The following GRIP1 variants were observed in gnomAD, a reference collection of about 807,000 sequenced individuals.
GRIP1 encodes glutamate receptor interacting protein 1, also known as glutamate receptor-interacting protein 1.
Under a neutral mutation model 129.9 loss-of-function variants are expected in GRIP1, and 45 were observed. That is an observed-to-expected ratio of 0.35 (90% CI 0.27 to 0.44). The LOEUF (loss-of-function observed/expected upper bound fraction) is 0.44, where lower values mean the gene tolerates loss of function less well. GRIP1 is among the 20% of genes least tolerant of loss of function. The probability of loss-of-function intolerance (pLI) is 1.00; values close to 1 mark genes in which losing one functional copy is unlikely to be tolerated. For missense variants in GRIP1, 1,196 were observed against 1,396.8 expected (o/e 0.86, Z 2.29); for synonymous variants, 530 against 520.8 (o/e 1.02, Z -0.24).
At chr12:66,768,703 T>C (rs1428291071) in intron 1 of GRIP1, among the ~76,000 whole-genome samples, 3 of 152,210 alleles carry the variant, frequency 2.0e-5, no homozygotes, top group Admixed American at 1.3e-4. Flanking sequence ...TTATACACAA[T>C]AACATCTATC....
chr12:66,918,063 G>A (rs2041156117), intron 1 of GRIP1, among the ~76,000 whole-genome samples: 2 of 151,892 alleles, frequency 1.3e-5, no homozygotes, highest in Admixed American at 1.3e-4. Flanking sequence ...CACCACATTA[G>A]TTATGGAGAG....
At chr12:66,736,579 T>C (rs545999755) in intron 1 of GRIP1, among the ~76,000 whole-genome samples, 223 of 152,014 alleles carry the variant, frequency 1.5e-3, no homozygotes, top group Middle Eastern at 3.4e-3. Flanking sequence ...TGTCTTTATG[T>C]TCAGTAGGCT....
intron 1 of GRIP1, among the ~76,000 whole-genome samples, chr12:66,771,587 T>C (rs1159744269): frequency 6.6e-6 from 1 of 152,192 alleles, no homozygotes; most frequent in East Asian, 1.9e-4. Flanking sequence ...AATTTACTTT[T>C]GGTCAATCCC....
intron 1 of GRIP1, among the ~76,000 whole-genome samples, chr12:67,029,578 C>CAAAAAAAAAAAAAAAAAAA (rs10563216): frequency 1.1e-5 from 1 of 88,486 alleles, no homozygotes; most frequent in Non-Finnish European, 2.4e-5. Context: ...GACCCTGACT[C>CAAAAAAAAAAAAAAAAAAA]AAAAAAAAAA....
intron 1 of GRIP1, among the ~76,000 whole-genome samples, chr12:66,817,202 GCACACA>G (rs57507955): frequency 0.14 from 19,497 of 136,092 alleles, 1,295 homozygotes; most frequent in Middle Eastern, 0.21. Context: ...TTTTCAGTAT[GCACACA>G]CACACACACA....
At chr12:66,892,201 G>T (rs570085666) in intron 1 of GRIP1, among the ~76,000 whole-genome samples, 1 of 152,162 alleles carries the variant, frequency 6.6e-6, no homozygotes, top group Admixed American at 6.5e-5. Context: ...GGCTCTTAAA[G>T]TTGTCCCATT....
chr12:66,412,934 T>C lies in GRIP1; in HGVS notation c.1839-6506A>G, dbSNP rs138883391. On this transcript the variant is annotated intron_variant, in intron 15 of 24. Transcript: ENST00000359742. Reference sequence around the variant, plus strand: ...GTATCCTAAATATATATGCCCCTAATACAGGAGCACCCAGATTCATAAAGC... The same window carrying C: ...GTATCCTAAATATATATGCCCCTAACACAGGAGCACCCAGATTCATAAAGC... Among the ~76,000 whole-genome samples the C allele has an allele frequency of 2.8e-3, 419 of 152,264 alleles. 1 individual carries two copies. Among genetic ancestry groups the C allele is most frequent in the African/African-American group, 9.6e-3 (399 of 41,554 alleles).
intron 5 of GRIP1, among the ~76,000 whole-genome samples, chr12:66,518,805 C>T (rs150915164): frequency 7.2e-5 from 11 of 152,300 alleles, no homozygotes; most frequent in African/African-American, 9.6e-5. Context: ...TTCATCCACT[C>T]GTCTTTGTTC....
intron 10 of GRIP1, 61 bp from the exon 11 acceptor site, chr12:66,455,625 T>G: frequency 6.7e-7 from 1 of 1,494,132 alleles, no homozygotes; most frequent in South Asian, 1.1e-5. Flanking sequence ...CCCGCCACAC[T>G]TGTCAACCAG....
intron 2 of GRIP1, chr12:66,564,223 C>A (rs542803287): frequency 6.6e-6 from 1 of 151,520 alleles, no homozygotes; most frequent in East Asian, 2.0e-4. Context: ...GTGTGCTGCA[C>A]CCATTAACTC....
At chr12:66,522,277 C>T (rs1592476722) in intron 5 of GRIP1, among the ~76,000 whole-genome samples, 3 of 152,336 alleles carry the variant, frequency 2.0e-5, no homozygotes, top group South Asian at 2.1e-4. Context: ...ACACCTCACA[C>T]GGCCGGGTAC....
chr12:66,627,299 C>T (rs924133949), intron 1 of GRIP1, among the ~76,000 whole-genome samples: 19 of 152,182 alleles, frequency 1.2e-4, no homozygotes, highest in African/African-American at 4.6e-4. Flanking sequence ...GCAGGACTAC[C>T]AAACAGACTC....
chr12:66,710,899 T>A (rs1231916110), intron 1 of GRIP1, among the ~76,000 whole-genome samples: 3 of 151,936 alleles, frequency 2.0e-5, no homozygotes, highest in African/African-American at 7.2e-5. Flanking sequence ...GGCTTCTGCC[T>A]TTCTGGATCA....
At chr12:66,420,187 T>G (rs1745406503) in intron 15 of GRIP1, among the ~76,000 whole-genome samples, 1 of 152,146 alleles carries the variant, frequency 6.6e-6, no homozygotes, top group Non-Finnish European at 1.5e-5. Context: ...AAAAAGAAAG[T>G]TAATGGTCTT....
chr12:66,618,465 A>AT (rs2065135637), intron 1 of GRIP1, among the ~76,000 whole-genome samples: 1 of 152,092 alleles, frequency 6.6e-6, no homozygotes, highest in Non-Finnish European at 1.5e-5. Context: ...ATATCTTCTC[A>AT]TATGTTTTGA....
intron 1 of GRIP1, among the ~76,000 whole-genome samples, chr12:66,907,916 C>A (rs995943285): frequency 6.6e-6 from 1 of 151,818 alleles, no homozygotes; most frequent in Admixed American, 6.6e-5. Flanking sequence ...AGAAGACATG[C>A]AAAGTGACAA....
intron 2 of GRIP1, among the ~76,000 whole-genome samples, chr12:66,561,925 C>T (rs1429619714): frequency 6.6e-6 from 1 of 151,872 alleles, no homozygotes; most frequent in African/African-American, 2.4e-5. Flanking sequence ...GAAACTCTGT[C>T]TCTACAAAAA....
chr12:66,581,906 G>A (rs1304281114), intron 2 of GRIP1, among the ~76,000 whole-genome samples: 1 of 152,108 alleles, frequency 6.6e-6, no homozygotes, highest in African/African-American at 2.4e-5. Flanking sequence ...CTCATTTTAT[G>A]AGGCCAGCAT....
At chr12:66,527,318 C>G (rs146262690) in intron 5 of GRIP1, among the ~76,000 whole-genome samples, 7,102 of 151,664 alleles carry the variant, frequency 0.047, 521 homozygotes, top group African/African-American at 0.16. Context: ...AAATGTGGCA[C>G]ATATACACCA....
Sources: allele counts gnomAD v4.1 joint callset (sites outside exome capture counted in the v4.1 genomes callset), GRCh38; gene constraint gnomAD v4.1.1; transcripts MANE v1.5; gene names NCBI Gene and HGNC (gene_info 2026-07-23, HGNC 2026-07-21).